SLC35F3: variants seen among roughly 807,000 people sequenced by gnomAD.
The protein encoded by SLC35F3 is putative thiamine transporter SLC35F3.
Under a neutral mutation model 49.9 loss-of-function variants are expected in SLC35F3, and 25 were observed. The ratio of observed to expected loss-of-function variants is 0.50; its 90% CI spans 0.37 to 0.70. The LOEUF (loss-of-function observed/expected upper bound fraction) is 0.70. SLC35F3 is among the 30% of genes least tolerant of loss of function. SLC35F3 has a pLI of 0.00. For missense variants in SLC35F3, 525 were observed against 639.8 expected (o/e 0.82, Z 1.94); for synonymous variants, 275 against 265.4 (o/e 1.04, Z -0.35).
chr1:234,112,249 G>A (rs983275542), intron 2 of SLC35F3, among the ~76,000 whole-genome samples: 5 of 152,326 alleles, frequency 3.3e-5, no homozygotes, highest in Admixed American at 6.5e-5. Context: ...TGCTCAGGAG[G>A]CTGAGGTAGG....
intron 2 of SLC35F3, among the ~76,000 whole-genome samples, chr1:234,155,395 G>GATTATT (rs71583784): frequency 0.032 from 4,803 of 149,276 alleles, 234 homozygotes; most frequent in African/African-American, 0.1. Context: ...CTATTCACCT[G>GATTATT]ATTATTATTA....
intron 3 of SLC35F3, among the ~76,000 whole-genome samples, chr1:234,270,419 A>T (rs1158982598): frequency 6.6e-6 from 1 of 152,258 alleles, no homozygotes. Flanking sequence ...GAAATAAAAC[A>T]GATAAATCTA....
At chr1:234,208,881 T>C (rs1381936976) in intron 2 of SLC35F3, among the ~76,000 whole-genome samples, 1 of 152,166 alleles carries the variant, frequency 6.6e-6, no homozygotes, top group African/African-American at 2.4e-5. Context: ...AGAGTGGGGC[T>C]AGTGATAAAG....
rs1667558454 is a variant in SLC35F3 at position 234,241,807 on chromosome 1, A to T, written c.608+10066A>T. On this transcript the variant is annotated intron_variant, in intron 3 of 7. Transcript: ENST00000366618. ...GGTGGGCTACAAGGTTTGGGGTGCA[A>T]ATCAGCTCGCCTGGAACATGGCCCT... Among the ~76,000 whole-genome samples the T allele has an allele frequency of 2.0e-5, 3 of 152,204 alleles. No individual in the cohort carries two copies. The South Asian group carries it at 6.2e-4, about 32-fold the overall frequency.
At chr1:233,959,654 T>C (rs910793925) in intron 2 of SLC35F3, among the ~76,000 whole-genome samples, 13 of 152,132 alleles carry the variant, frequency 8.5e-5, no homozygotes, top group Admixed American at 6.5e-4. Context: ...CATGGAACAA[T>C]AGGACATGTA....
At chr1:234,148,653 A>G (rs957721421) in intron 2 of SLC35F3, among the ~76,000 whole-genome samples, 2 of 152,242 alleles carry the variant, frequency 1.3e-5, no homozygotes, top group African/African-American at 4.8e-5. Context: ...TTTACATTTT[A>G]AGATCACTCT....
chr1:234,047,113 C>T (rs1411791511), intron 2 of SLC35F3, among the ~76,000 whole-genome samples: 1 of 152,152 alleles, frequency 6.6e-6, no homozygotes, highest in Admixed American at 6.5e-5. Context: ...ACATAGCTTA[C>T]TTTTTCATAT....
intron 2 of SLC35F3, among the ~76,000 whole-genome samples, chr1:234,062,781 G>A (rs1664562048): frequency 6.6e-6 from 1 of 150,464 alleles, no homozygotes; most frequent in African/African-American, 2.4e-5. Flanking sequence ...CTGGGTTCAT[G>A]CCATTCTCCT....
intron 2 of SLC35F3, among the ~76,000 whole-genome samples, chr1:234,207,599 T>G (rs1301251489): frequency 6.6e-6 from 1 of 151,710 alleles, no homozygotes; most frequent in Non-Finnish European, 1.5e-5. Context: ...CCTAGGAGAT[T>G]ACCTAGTTGG....
chr1:234,269,188 T>C (rs1209302349), intron 3 of SLC35F3, among the ~76,000 whole-genome samples: 1 of 152,226 alleles, frequency 6.6e-6, no homozygotes, highest in Non-Finnish European at 1.5e-5. Context: ...TTTCATTTAA[T>C]ATTTTAAAGA....
intron 2 of SLC35F3, among the ~76,000 whole-genome samples, chr1:234,081,883 G>T (rs187620684): frequency 7.2e-6 from 1 of 138,090 alleles, no homozygotes; most frequent in Admixed American, 7.6e-5. Context: ...GACTACAGGC[G>T]CCTGCCACCA....
chr1:234,025,880 C>CG (rs201004655), intron 2 of SLC35F3, among the ~76,000 whole-genome samples: 3 of 130,500 alleles, frequency 2.3e-5, no homozygotes, highest in African/African-American at 5.0e-5. Flanking sequence ...AATTATTTGC[C>CG]AAATTGATGT....
chr1:234,229,277 T>C (rs1391918797), intron 2 of SLC35F3, among the ~76,000 whole-genome samples: 1 of 152,246 alleles, frequency 6.6e-6, no homozygotes, highest in Non-Finnish European at 1.5e-5. Flanking sequence ...GAAAACGTTC[T>C]ATTTATATGT....
chr1:234,320,336 T>A lies in SLC35F3; in HGVS notation c.1237+149T>A. On this transcript the variant is annotated intron_variant, in intron 7 of 7. Coordinates refer to ENST00000366618, the MANE Select transcript of SLC35F3 (RefSeq NM_173508.4). This position sits in a 1 kb window ranked among gnomAD's most constrained non-coding sequence, Gnocchi z 4.8. ...TGCATACACACACACACACATACTC[T>A]CACATACATACTCACATATATTATT... 1.6e-6 allele frequency: 1 copy of A among 620,614 alleles called. No homozygotes were observed. Among genetic ancestry groups the A allele is most frequent in the African/African-American group, 1.8e-5 (1 of 55,184 alleles). 38.4% of individuals were successfully genotyped at this position (620,614 alleles called of 1,614,324 possible).
At chr1:234,306,803 T>C (rs2102992825) in intron 3 of SLC35F3, among the ~76,000 whole-genome samples, 1 of 152,032 alleles carries the variant, frequency 6.6e-6, no homozygotes, top group South Asian at 2.1e-4. Context: ...TTTGGAGGAG[T>C]CAAATATGGA....
intron 2 of SLC35F3, among the ~76,000 whole-genome samples, chr1:234,013,867 G>T (rs773907193): frequency 2.0e-5 from 3 of 149,050 alleles, no homozygotes; most frequent in Non-Finnish European, 4.5e-5. Context: ...AAAAAAAAGA[G>T]CCCAGAGCTT....
chr1:234,113,756 G>A (rs569476761), intron 2 of SLC35F3, among the ~76,000 whole-genome samples: 54 of 152,240 alleles, frequency 3.5e-4, no homozygotes, highest in African/African-American at 1.2e-3. Context: ...CCAGCTACTC[G>A]GGAGGCTGAG....
rs558767653 is a variant in SLC35F3 at position 234,152,807 on chromosome 1, T to C, written c.284-78610T>C. Among the ~76,000 whole-genome samples, 62 of 152,354 alleles carry C rather than the reference T, an allele frequency of 4.1e-4. 2 individuals are homozygous for C. Among genetic ancestry groups the C allele is most frequent in the African/African-American group, 1.5e-3 (61 of 41,590 alleles). ...AGATCCTTGAAAAATCGCCACACTG[T>C]CTTCCACAATAGTTGAACTAATTTA... On this transcript the variant is annotated intron_variant, in intron 2 of 7. Transcript: ENST00000366618.
intron 3 of SLC35F3, among the ~76,000 whole-genome samples, chr1:234,249,360 T>C (rs1667699960): frequency 1.3e-5 from 2 of 152,178 alleles, no homozygotes; most frequent in African/African-American, 2.4e-5. Context: ...GAAAGAGGAA[T>C]TCTTCATGGC....
Sources: gnomAD v4.1 joint callset for allele counts (sites outside exome capture counted in the v4.1 genomes callset) on GRCh38, gnomAD v4.1.1 for gene constraint, Gnocchi (gnomAD v3.1) non-coding constraint, MANE v1.5 for transcripts, NCBI Gene and HGNC (gene_info 2026-07-23, HGNC 2026-07-21) for gene names.